The following MAGI1 variants were observed in gnomAD, a reference collection of about 807,000 sequenced individuals.
MAGI1 encodes the protein membrane associated guanylate kinase, WW and PDZ domain containing 1.
In MAGI1, 58 loss-of-function variants were observed where a neutral mutation model predicts 139.9. That is an observed-to-expected ratio of 0.41 (90% CI 0.34 to 0.52). The LOEUF is 0.52. Among genes scored for constraint, MAGI1 ranks in the 20% least tolerant of loss-of-function variants. MAGI1 has a pLI of 0.12. For synonymous variants in MAGI1, 812 were observed against 737.9 expected (o/e 1.10, Z -1.63); for missense variants, 1,874 against 1,901.6 (o/e 0.99, Z 0.27).
intron 1 of MAGI1, among the ~76,000 whole-genome samples, chr3:65,952,298 T>C (rs912078359): frequency 6.6e-6 from 1 of 152,218 alleles, no homozygotes; most frequent in Non-Finnish European, 1.5e-5. Context: ...CCTGTCAATT[T>C]GGTGTTCATG....
At chr3:65,652,807 C>G (rs1352316668) in intron 1 of MAGI1, among the ~76,000 whole-genome samples, 1 of 152,114 alleles carries the variant, frequency 6.6e-6, no homozygotes, top group Non-Finnish European at 1.5e-5. Context: ...TAACTGGCCA[C>G]TGGTTTTCAA....
chr3:65,860,795 A>G (rs1267894323), intron 1 of MAGI1, among the ~76,000 whole-genome samples: 1 of 152,238 alleles, frequency 6.6e-6, no homozygotes, highest in Non-Finnish European at 1.5e-5. Context: ...TGTCCTTCAG[A>G]GATTTCAGCC....
intron 1 of MAGI1, among the ~76,000 whole-genome samples, chr3:65,846,983 A>AC (rs1553716723): frequency 6.1e-5 from 9 of 147,380 alleles, no homozygotes; most frequent in Non-Finnish European, 1.3e-4. Flanking sequence ...TTACAAAAAA[A>AC]AAAAAAAAAA....
chr3:65,826,361 T>C (rs1403996190), intron 1 of MAGI1, among the ~76,000 whole-genome samples: 1 of 152,192 alleles, frequency 6.6e-6, no homozygotes, highest in Non-Finnish European at 1.5e-5. Flanking sequence ...CTACTTATAT[T>C]TGGGATAAGA....
At chr3:65,686,053 ACAC>A (rs78946360) in intron 1 of MAGI1, among the ~76,000 whole-genome samples, 20,625 of 152,058 alleles carry the variant, frequency 0.14, 1,694 homozygotes, top group Non-Finnish European at 0.18. Flanking sequence ...AGCAGAGAAA[ACAC>A]CTCCGGCAAG....
chr3:65,660,694 A>G (rs2086143829), intron 1 of MAGI1, among the ~76,000 whole-genome samples: 1 of 152,232 alleles, frequency 6.6e-6, no homozygotes, highest in Admixed American at 6.5e-5. Flanking sequence ...AAAGTCAGAA[A>G]GTTTTCTGAC....
intron 1 of MAGI1, among the ~76,000 whole-genome samples, chr3:65,927,066 T>C (rs971025447): frequency 1.3e-5 from 2 of 152,178 alleles, no homozygotes; most frequent in Non-Finnish European, 2.9e-5. Flanking sequence ...GGAAAACTCA[T>C]GAATAATCCA....
intron 1 of MAGI1, among the ~76,000 whole-genome samples, chr3:65,970,095 CCAT>C (rs1361189614): frequency 6.6e-6 from 1 of 152,132 alleles, no homozygotes; most frequent in East Asian, 1.9e-4. Context: ...AACCCACTGT[CCAT>C]CAACAGATGA....
At chr3:66,017,605 G>A (rs1216278014) in intron 1 of MAGI1, among the ~76,000 whole-genome samples, 1 of 152,194 alleles carries the variant, frequency 6.6e-6, no homozygotes, top group African/African-American at 2.4e-5. Flanking sequence ...CCAAGGCTCA[G>A]GGTTCTGACC....
intron 12 of MAGI1, among the ~76,000 whole-genome samples, chr3:65,416,455 C>T (rs747207390): frequency 1.3e-5 from 2 of 152,150 alleles, no homozygotes; most frequent in Non-Finnish European, 2.9e-5. Flanking sequence ...AGGTAATACA[C>T]CAAATGAGAT....
intron 12 of MAGI1, among the ~76,000 whole-genome samples, chr3:65,402,689 T>C (rs1421529604): frequency 1.3e-5 from 2 of 152,140 alleles, no homozygotes; most frequent in Non-Finnish European, 2.9e-5. Context: ...TGAGCCATGC[T>C]GAGTTCAGCA....
intron 1 of MAGI1, among the ~76,000 whole-genome samples, chr3:65,878,865 G>C (rs913603191): frequency 6.6e-6 from 1 of 152,142 alleles, no homozygotes; most frequent in Admixed American, 6.5e-5. Context: ...CTACGAAACA[G>C]GTATAGGTAG....
intron 8 of MAGI1, among the ~76,000 whole-genome samples, chr3:65,441,745 C>T (rs145322796): frequency 7.8e-4 from 118 of 152,252 alleles, no homozygotes; most frequent in African/African-American, 2.7e-3. Context: ...CTCTCTGATG[C>T]CCCATATTAC....
intron 1 of MAGI1, among the ~76,000 whole-genome samples, chr3:65,656,784 G>C (rs1268029206): frequency 1.3e-5 from 2 of 151,960 alleles, no homozygotes; most frequent in Non-Finnish European, 2.9e-5. Context: ...GATCATTTGA[G>C]GTCATGAGTT....
intron 1 of MAGI1, among the ~76,000 whole-genome samples, chr3:65,705,982 T>C (rs2030199265): frequency 6.6e-6 from 1 of 152,200 alleles, no homozygotes; most frequent in Non-Finnish European, 1.5e-5. Flanking sequence ...CAGCTCTGAG[T>C]CCATGAGTAA....
chr3:65,533,015 T>C (rs553407163), intron 2 of MAGI1: 1 of 152,166 alleles, frequency 6.6e-6, no homozygotes, highest in African/African-American at 2.4e-5. Context: ...TTTATCTACT[T>C]TGTAAATGTC....
At chr3:65,862,189 G>A (rs568496254) in intron 1 of MAGI1, among the ~76,000 whole-genome samples, 4 of 152,284 alleles carry the variant, frequency 2.6e-5, no homozygotes, top group South Asian at 2.1e-4. Flanking sequence ...GAGCTCACGC[G>A]CTGGACTAAG....
chr3:65,425,177 C>T (rs1224427563), intron 12 of MAGI1, among the ~76,000 whole-genome samples: 1 of 146,882 alleles, frequency 6.8e-6, no homozygotes, highest in Non-Finnish European at 1.5e-5. Flanking sequence ...TCTGTACGGC[C>T]CAGCTAGAAC....
intron 2 of MAGI1, among the ~76,000 whole-genome samples, chr3:65,559,682 C>T (rs1216471084): frequency 1.3e-5 from 2 of 152,086 alleles, no homozygotes; most frequent in Non-Finnish European, 2.9e-5. Context: ...AAAGTGGAAG[C>T]CCAGAAAGGC....
Sources: gnomAD v4.1 joint callset for allele counts (sites outside exome capture counted in the v4.1 genomes callset) on GRCh38, gnomAD v4.1.1 for gene constraint, MANE v1.5 for transcripts, NCBI Gene and HGNC (gene_info 2026-07-23, HGNC 2026-07-21) for gene names.